The following PARD3B variants were observed in gnomAD, a reference collection of about 807,000 sequenced individuals.
PARD3B encodes the protein par-3 family cell polarity regulator beta.
PARD3B carries 103 observed loss-of-function variants against 130.2 expected under a neutral mutation model. That is an observed-to-expected ratio of 0.79 (90% CI 0.67 to 0.93). PARD3B has a LOEUF of 0.93. Among genes scored for constraint, PARD3B ranks in the 40% least tolerant of loss-of-function variants. The pLI is 0.00. For missense variants in PARD3B, 1,609 were observed against 1,499.2 expected (o/e 1.07, Z -1.21); for synonymous variants, 583 against 553.2 (o/e 1.05, Z -0.76).
intron 2 of PARD3B, among the ~76,000 whole-genome samples, chr2:204,825,760 T>C (rs1248640652): frequency 6.6e-6 from 1 of 152,226 alleles, no homozygotes; most frequent in Non-Finnish European, 1.5e-5. Context: ...GAGCGAGTTC[T>C]TGAAAAAGGC....
intron 22 of PARD3B, among the ~76,000 whole-genome samples, chr2:205,565,796 T>C (rs2053305203): frequency 6.6e-6 from 1 of 151,778 alleles, no homozygotes; most frequent in Non-Finnish European, 1.5e-5. Flanking sequence ...GCCCTGAGGA[T>C]AGCGTGATAA....
At chr2:205,427,499 TTCTG>T (rs1022267881) in intron 19 of PARD3B, among the ~76,000 whole-genome samples, 9 of 152,220 alleles carry the variant, frequency 5.9e-5, no homozygotes, top group Non-Finnish European at 8.8e-5. Flanking sequence ...TGGAATGTTC[TTCTG>T]TCTATTACTA....
chr2:204,641,937 T>TA (rs1177266883), intron 1 of PARD3B, among the ~76,000 whole-genome samples: 3 of 152,114 alleles, frequency 2.0e-5, no homozygotes, highest in Non-Finnish European at 4.4e-5. Context: ...AAAGGAATAT[T>TA]AAAAAAGCCT....
At chr2:205,369,811 C>T (rs1238971317) in intron 18 of PARD3B, among the ~76,000 whole-genome samples, 2 of 152,188 alleles carry the variant, frequency 1.3e-5, no homozygotes, top group Admixed American at 1.3e-4. Flanking sequence ...CTGTACAAAG[C>T]ATGCAGTGCA....
intron 1 of PARD3B, among the ~76,000 whole-genome samples, chr2:204,648,227 C>G (rs1382474904): frequency 6.6e-6 from 1 of 151,384 alleles, no homozygotes; most frequent in Non-Finnish European, 1.5e-5. Flanking sequence ...AATCTCATTT[C>G]TTTGTGACCA....
At position 204,648,105 on chromosome 2, in the gene PARD3B, T is replaced by C. The variant is rs368367474; in HGVS notation, c.121-38076T>C. On this transcript the variant is annotated intron_variant, in intron 1 of 22. Transcript: ENST00000406610. ...GCTTCAAAGGAGTTATTTTTGAGGT[T>C]ATGCAAGTATTTAGAAAGTACTGCT... is the stretch of plus-strand genomic sequence containing the variant. Among the ~76,000 whole-genome samples, 100 of 151,856 alleles carry C rather than the reference T, an allele frequency of 6.6e-4. 1 individual carries two copies. The South Asian group carries it at 0.02, about 31-fold the overall frequency.
At position 205,470,522 on chromosome 2, in the gene PARD3B, C is replaced by T. The variant is rs1355239722; in HGVS notation, c.3045-29374C>T. On this transcript the variant is annotated intron_variant, in intron 20 of 22. Coordinates refer to ENST00000406610, the MANE Select transcript of PARD3B (RefSeq NM_001302769.2). This position sits in a 1 kb window ranked among gnomAD's most constrained non-coding sequence, Gnocchi z 4.8. ...CATTTCTCCTGAATCTCCCTAAACTCGCATCAGATCTCTTTTGTCCATTCA... is the reference window on the plus strand; with the variant it reads ...CATTTCTCCTGAATCTCCCTAAACTTGCATCAGATCTCTTTTGTCCATTCA... 3.9e-5 allele frequency among the ~76,000 whole-genome samples: 6 copies of T among 152,132 alleles called. No individual in the cohort carries two copies. The highest frequency in any genetic ancestry group is 5.9e-5 in the Non-Finnish European group (4 of 68,020).
intron 19 of PARD3B, among the ~76,000 whole-genome samples, chr2:205,434,932 A>T (rs2047459775): frequency 6.6e-6 from 1 of 151,948 alleles, no homozygotes; most frequent in East Asian, 1.9e-4. Flanking sequence ...TGGGGGTGAG[A>T]GTTGAGAAAC....
chr2:205,320,536 C>T (rs899550601), intron 18 of PARD3B, among the ~76,000 whole-genome samples: 10 of 152,178 alleles, frequency 6.6e-5, no homozygotes, highest in Admixed American at 3.3e-4. Context: ...TTCTAATAGA[C>T]TGTTTAACAA....
chr2:205,103,682 G>GT (rs768858046), intron 4 of PARD3B: 29 of 984,682 alleles, frequency 2.9e-5, no homozygotes, highest in African/African-American at 3.5e-5. Flanking sequence ...CCCTGTTAGG[G>GT]AACAGCTCTG....
chr2:204,665,868 T>C (rs2036000220), intron 1 of PARD3B, among the ~76,000 whole-genome samples: 1 of 152,224 alleles, frequency 6.6e-6, no homozygotes, highest in Non-Finnish European at 1.5e-5. Flanking sequence ...ATATGTGATA[T>C]AGCAAACTTT....
chr2:204,597,793 G>C (rs1207363067), intron 1 of PARD3B, among the ~76,000 whole-genome samples: 1 of 152,154 alleles, frequency 6.6e-6, no homozygotes, highest in African/African-American at 2.4e-5. Context: ...TGCCTTTATA[G>C]ACCCTTGGTA....
rs2039929192 is a variant in PARD3B, at chr2:205,253,131, T to A, written c.2185+7309T>A. ...TCACATATCTCCAGGTATACTGGAA[T>A]TTGCTGGTATCTCCAGTGTTTGGGT... On this transcript the variant is annotated intron_variant, in intron 16 of 22. Coordinates refer to ENST00000406610, the MANE Select transcript of PARD3B (RefSeq NM_001302769.2). The surrounding 1 kb of genome is among the most constrained non-coding windows in gnomAD (Gnocchi z 4.4). Among the ~76,000 whole-genome samples the A allele has an allele frequency of 6.6e-6, 1 of 152,176 alleles. No individual in the cohort carries two copies. The highest frequency in any genetic ancestry group is 2.1e-4 in the South Asian group (1 of 4,826).
chr2:204,626,163 G>A, intron 1 of PARD3B, among the ~76,000 whole-genome samples: 1 of 152,114 alleles, frequency 6.6e-6, no homozygotes, highest in Non-Finnish European at 1.5e-5. Flanking sequence ...CAATTTGGGT[G>A]AGTTTGGATA....
At chr2:204,652,382 C>T (rs981325018) in intron 1 of PARD3B, among the ~76,000 whole-genome samples, 3 of 152,172 alleles carry the variant, frequency 2.0e-5, no homozygotes, top group African/African-American at 4.8e-5. Context: ...TCATCTCTCT[C>T]AAGTTCAAAG....
intron 2 of PARD3B, among the ~76,000 whole-genome samples, chr2:204,745,693 A>G (rs2040192130): frequency 6.6e-6 from 1 of 152,098 alleles, no homozygotes; most frequent in African/African-American, 2.4e-5. Flanking sequence ...ATGAGCCACC[A>G]TGCCTGGCCG....
chr2:204,836,080 A>G (rs1334125791), intron 2 of PARD3B, among the ~76,000 whole-genome samples: 1 of 152,220 alleles, frequency 6.6e-6, no homozygotes, highest in Non-Finnish European at 1.5e-5. Flanking sequence ...ATTAGCTTTC[A>G]ACATGAATGA....
At chr2:204,857,882 C>T in intron 2 of PARD3B, among the ~76,000 whole-genome samples, 1 of 152,020 alleles carries the variant, frequency 6.6e-6, no homozygotes, top group East Asian at 1.9e-4. Context: ...GATTCTGAAC[C>T]CCATTAAGAG....
chr2:205,185,707 A>G, intron 13 of PARD3B, 57 bp from the exon 14 acceptor site: 1 of 1,444,860 alleles, frequency 6.9e-7, no homozygotes. Flanking sequence ...AAACCAAACC[A>G]GGCATCGAAT....
Sources: gnomAD v4.1 joint callset for allele counts (sites outside exome capture counted in the v4.1 genomes callset) on GRCh38, gnomAD v4.1.1 for gene constraint, Gnocchi (gnomAD v3.1) non-coding constraint, MANE v1.5 for transcripts, NCBI Gene and HGNC (gene_info 2026-07-23, HGNC 2026-07-21) for gene names.